OPA1: variants seen among roughly 807,000 people sequenced by gnomAD.
OPA1 encodes the protein dynamin-like GTPase OPA1, mitochondrial.
OPA1 carries 59 observed loss-of-function variants against 152.9 expected under a neutral mutation model. That is an observed-to-expected ratio of 0.39 (90% CI 0.31 to 0.48). OPA1 has a LOEUF of 0.48. OPA1 is among the 20% of genes least tolerant of loss of function. The pLI, the probability that OPA1 is intolerant of heterozygous loss-of-function variation, is 0.96. For missense variants in OPA1, 1,008 were observed against 1,216.8 expected (o/e 0.83, Z 2.55); for synonymous variants, 400 against 389.9 (o/e 1.03, Z -0.31).
At chr3:193,634,066 G>A (rs911917167) in intron 8 of OPA1, among the ~76,000 whole-genome samples, 3 of 152,054 alleles carry the variant, frequency 2.0e-5, no homozygotes, top group Non-Finnish European at 4.4e-5. Context: ...GTTCTTGAAA[G>A]ATTCCAATAA....
intron 7 of OPA1, among the ~76,000 whole-genome samples, chr3:193,628,128 T>C (rs1286066704): frequency 6.6e-6 from 1 of 152,192 alleles, no homozygotes; most frequent in Non-Finnish European, 1.5e-5. Context: ...CATGAGATTT[T>C]TATCATTCCA....
chr3:193,657,401 C>T (rs1714119537), intron 23 of OPA1, among the ~76,000 whole-genome samples, 169 bp downstream of exon 23: 1 of 152,128 alleles, frequency 6.6e-6, no homozygotes, highest in Non-Finnish European at 1.5e-5. Context: ...TTTCCCTGCC[C>T]TTCTAAAATC....
intron 1 of OPA1, among the ~76,000 whole-genome samples, chr3:193,594,012 C>G (rs1000151355): frequency 4.6e-5 from 7 of 152,080 alleles, no homozygotes; most frequent in Admixed American, 3.3e-4. Context: ...TTCTGTGTTT[C>G]GGGAGGGAGA....
chr3:193,637,930 G>A, intron 10 of OPA1, 22 bp from the exon 11 acceptor site: 1 of 1,560,592 alleles, frequency 6.4e-7, no homozygotes, highest in South Asian at 1.1e-5. Flanking sequence ...ATATGAATAA[G>A]TGTTCTTTGT....
Position 193,593,386 on chromosome 3 carries a change from A to G in OPA1, c.9A>G (p.Arg3=). The G allele has an allele frequency of 6.5e-7, 1 of 1,547,462 alleles. No individual in the cohort carries two copies. Among genetic ancestry groups the G allele is most frequent in the Non-Finnish European group, 8.7e-7 (1 of 1,145,072 alleles). ...ACCTCCCCGCCGGCGGGATGTGGCG[A>G]CTACGTCGGGCCGCTGTGGCCTGGT... is the stretch of plus-strand genomic sequence containing the variant. MW[R]LRRAAVACEV... The change falls in exon 1 of 31, where the codon CGA becomes CGG. Residue 3 remains arginine (R), a synonymous_variant. Coordinates refer to ENST00000361510, the MANE Select transcript of OPA1 (RefSeq NM_130837.3).
chr3:193,668,878 A>C (rs1717298843), intron 29 of OPA1: 1 of 1,052,208 alleles, frequency 9.5e-7, no homozygotes, highest in South Asian at 3.1e-5. Flanking sequence ...GAACTCAAGG[A>C]AATCAGTGAA....
At chr3:193,679,957 A>G (rs7623639) in intron 29 of OPA1, among the ~76,000 whole-genome samples, 4,531 of 152,262 alleles carry the variant, frequency 0.03, 237 homozygotes, top group African/African-American at 0.1. Context: ...GTTGTGATAA[A>G]CAGCACCTCT....
At position 193,667,186 on chromosome 3, in the gene OPA1, A is replaced by AATT; in HGVS notation, c.2890_2891insTTA (p.Lys963_Asn964insIle). ...TTTAAACAGTTAGGCGATTAGAGAA[A>AATT]AATGTTAAAGAGGTATTGGAAGATT... On this transcript the variant is annotated inframe_insertion, in exon 29 of 31. Coordinates refer to ENST00000361510, the MANE Select transcript of OPA1 (RefSeq NM_130837.3). 1.3e-6 allele frequency: 2 copies of AATT among 1,577,652 alleles called. No individual in the cohort carries two copies. The highest frequency in any genetic ancestry group is 1.7e-6 in the Non-Finnish European group (2 of 1,146,838).
chr3:193,676,077 T>G (rs1718930689), intron 29 of OPA1, among the ~76,000 whole-genome samples: 1 of 152,228 alleles, frequency 6.6e-6, no homozygotes, highest in Non-Finnish European at 1.5e-5. Flanking sequence ...TATTGATAGA[T>G]CACCAATGAT....
chr3:193,606,293 T>C (rs1180775877), intron 1 of OPA1, among the ~76,000 whole-genome samples: 1 of 152,132 alleles, frequency 6.6e-6, no homozygotes, highest in East Asian at 1.9e-4. Context: ...ATACTTTAAG[T>C]TTTAGGGTAC....
chr3:193,638,198 G>A, intron 11 of OPA1, 133 bp downstream of exon 11: 1 of 738,674 alleles, frequency 1.4e-6, no homozygotes, highest in Non-Finnish European at 2.4e-6. Context: ...GATCCCTAGT[G>A]TGGAAATCAG....
At chr3:193,679,268 C>T (rs776413143) in intron 29 of OPA1, among the ~76,000 whole-genome samples, 19 of 132,704 alleles carry the variant, frequency 1.4e-4, no homozygotes, top group African/African-American at 5.0e-4. Context: ...GAAGAAATAA[C>T]GGGGAAAAAA....
chr3:193,626,243 A>T, intron 7 of OPA1, 41 bp downstream of exon 7: 2 of 1,388,530 alleles, frequency 1.4e-6, no homozygotes, highest in East Asian at 2.3e-5. Context: ...CATTCACACT[A>T]ATCAGCCATT....
At chr3:193,639,610 A>G (rs1180165972) in intron 11 of OPA1, among the ~76,000 whole-genome samples, 1 of 152,240 alleles carries the variant, frequency 6.6e-6, no homozygotes, top group Non-Finnish European at 1.5e-5. Context: ...TAGAGGAATA[A>G]TGAAGAGCGG....
chr3:193,692,280 T>C lies in OPA1; in HGVS notation c.*5+148T>C, dbSNP rs1478898077. 6.5e-5 allele frequency: 41 copies of C among 634,748 alleles called. 1 individual carries two copies. The South Asian group carries it at 7.6e-4, about 12-fold the overall frequency. The allele number at this position is 634,748 out of a possible 1,614,324, so 39.3% of individuals were successfully genotyped here. A position where few individuals can be genotyped will look rare whatever the true frequency, so the allele number is the denominator to read the frequency against. ...TGAATCTCTGAAACTAGCTTCCGAATTTCATTTGTATAACGTTGCTTTGAA... is the reference window on the plus strand; with the variant it reads ...TGAATCTCTGAAACTAGCTTCCGAACTTCATTTGTATAACGTTGCTTTGAA... On this transcript the variant is annotated intron_variant, in intron 30 of 30. Coordinates refer to ENST00000361510, the MANE Select transcript of OPA1 (RefSeq NM_130837.3).
chr3:193,659,232 A>C (rs552917598), intron 24 of OPA1, among the ~76,000 whole-genome samples: 1 of 152,356 alleles, frequency 6.6e-6, no homozygotes, highest in Non-Finnish European at 1.5e-5. Context: ...ATAATGCAGA[A>C]TATTTTAGTG....
intron 29 of OPA1, among the ~76,000 whole-genome samples, chr3:193,672,784 G>A (rs1006159686): frequency 7.3e-5 from 11 of 150,736 alleles, no homozygotes; most frequent in South Asian, 2.1e-4. Flanking sequence ...CAGGAGAATC[G>A]CCTGAACCCG....
chr3:193,678,217 G>T (rs1353506747), intron 29 of OPA1, among the ~76,000 whole-genome samples: 1 of 151,966 alleles, frequency 6.6e-6, no homozygotes, highest in African/African-American at 2.4e-5. Context: ...TTTATCTTTA[G>T]TCTCTCCTTT....
chr3:193,692,455 ATTC>A (rs1310824064), intron 30 of OPA1, among the ~76,000 whole-genome samples: 16 of 152,230 alleles, frequency 1.1e-4, no homozygotes, highest in Admixed American at 1.0e-3. Context: ...ACATTACTTT[ATTC>A]TTCTTGCCTA....
Sources: gnomAD v4.1 joint callset for allele counts (sites outside exome capture counted in the v4.1 genomes callset) on GRCh38, gnomAD v4.1.1 for gene constraint, MANE v1.5 for transcripts, NCBI Gene and HGNC (gene_info 2026-07-23, HGNC 2026-07-21) for gene names.